The following AP2B1 variants were observed in gnomAD, a reference collection of about 807,000 sequenced individuals.
AP2B1 encodes adaptor related protein complex 2 subunit beta 1, also known as AP-2 complex subunit beta.
A neutral mutation model predicts 102.0 loss-of-function variants in AP2B1; 23 were observed. The ratio of observed to expected loss-of-function variants is 0.23; its 90% confidence interval spans 0.16 to 0.32. The LOEUF (loss-of-function observed/expected upper bound fraction) is 0.32, where lower values mean the gene tolerates loss of function less well. Ranked by LOEUF, AP2B1 falls within the 10% of genes least tolerant of loss-of-function variation. The pLI, the probability that AP2B1 is intolerant of heterozygous loss-of-function variation, is 1.00. For synonymous variants in AP2B1, 381 were observed against 421.2 expected (o/e 0.90, Z 1.17); for missense variants, 541 against 1,157.4 (o/e 0.47, Z 7.73).
At chr17:35,714,640 G>C (rs750845853) in intron 20 of AP2B1, among the ~76,000 whole-genome samples, 3 of 152,126 alleles carry the variant, frequency 2.0e-5, no homozygotes, top group African/African-American at 7.2e-5. Flanking sequence ...AGCCTGGGAG[G>C]TCGAGACTGC....
At chr17:35,614,233 T>A (rs1204362168) in intron 5 of AP2B1, among the ~76,000 whole-genome samples, 2 of 152,190 alleles carry the variant, frequency 1.3e-5, no homozygotes, top group African/African-American at 4.8e-5. Context: ...GGTCTTGCTC[T>A]GTCACCCAGG....
rs1330043160 is a variant in AP2B1, at chr17:35,718,169, T to TGAGAAAAC, written c.2781+821_2781+828dup. Among the ~76,000 whole-genome samples, 9 of 151,076 alleles carry TGAGAAAAC rather than the reference T, an allele frequency of 6.0e-5. No homozygotes were observed. The East Asian group carries it at 1.8e-3, about 30-fold the overall frequency. On this transcript the variant is annotated intron_variant, in intron 21 of 21. Coordinates refer to ENST00000610402, the MANE Select transcript of AP2B1 (RefSeq NM_001030006.2). ...TAAGGGAGCCTTTTAGTCATTTAGC[T>TGAGAAAAC]GAGAAAACTCTGTGACCCGTTCCTT...
chr17:35,606,906 ATTT>A (rs752972298), intron 4 of AP2B1, among the ~76,000 whole-genome samples: 2 of 143,928 alleles, frequency 1.4e-5, no homozygotes, highest in Non-Finnish European at 1.5e-5. Flanking sequence ...ATTCCCATTA[ATTT>A]TTTTTTTTTT....
At chr17:35,651,313 T>G (rs1458400866) in intron 13 of AP2B1, among the ~76,000 whole-genome samples, 1 of 152,218 alleles carries the variant, frequency 6.6e-6, no homozygotes, top group African/African-American at 2.4e-5. Flanking sequence ...CTATGTGGAC[T>G]TAGTTTTTCA....
intron 19 of AP2B1, 118 bp from the exon 20 acceptor site, chr17:35,710,116 C>T: frequency 1.4e-6 from 1 of 735,248 alleles, no homozygotes; most frequent in Non-Finnish European, 2.5e-6. Flanking sequence ...CATTCCCAGC[C>T]TGCTGCTAGC....
chr17:35,626,622 A>C lies in AP2B1; in HGVS notation c.718A>C (p.Ile240Leu). The stretch of plus-strand genomic sequence containing the variant: ...TTAATTTTCATTCTCCACCCTCAGC[A>C]TCTGTGAGCGGGTAACTCCCCGGCT... Reference protein sequence around the residue: ...NPKDDREAQSICERVTPRLSH... With the variant: ...NPKDDREAQSLCERVTPRLSH... The change falls in exon 7 of 22, where the codon ATC becomes CTC. Residue 240 changes from isoleucine to leucine, a missense_variant and splice_region_variant. Physicochemically the swap from Ile to Leu is conservative, Grantham distance 5. Transcript: ENST00000610402. 1 of 1,603,858 alleles carries C rather than the reference A, an allele frequency of 6.2e-7. No individual in the cohort carries two copies. The highest frequency in any genetic ancestry group is 1.7e-5 in the Admixed American group (1 of 59,894).
At chr17:35,638,206 G>A (rs1438408880) in intron 10 of AP2B1, among the ~76,000 whole-genome samples, 1 of 152,140 alleles carries the variant, frequency 6.6e-6, no homozygotes, top group Non-Finnish European at 1.5e-5. Flanking sequence ...TCCATTTCTG[G>A]TTTATGGTTA....
In AP2B1 at chr17:35,645,041, AAAAG is replaced by A. The variant is rs200649971; in HGVS notation, c.1536+3074_1536+3077del. On this transcript the variant is annotated intron_variant, in intron 12 of 21. Transcript: ENST00000610402. ...AGCAAGACTCTGTCTCGGAAAAAAA[AAAAG>A]AAAGAAAAAAAGAATAAGTATGCCT... 1.0e-2 allele frequency among the ~76,000 whole-genome samples: 1,514 copies of A among 152,152 alleles called. 20 individuals carry two copies. The highest frequency in any genetic ancestry group is 0.034 in the African/African-American group (1,426 of 41,494).
intron 5 of AP2B1, among the ~76,000 whole-genome samples, chr17:35,617,336 G>A (rs1234298960): frequency 1.3e-5 from 2 of 152,132 alleles, no homozygotes; most frequent in East Asian, 1.9e-4. Context: ...GATTACAGGC[G>A]TGAGTGAGCC....
At chr17:35,589,885 TTTTC>T (rs1175665307) in intron 1 of AP2B1, among the ~76,000 whole-genome samples, 1 of 152,086 alleles carries the variant, frequency 6.6e-6, no homozygotes, top group African/African-American at 2.4e-5. Flanking sequence ...TAGATTTTTT[TTTTC>T]TTTAGCTCTA....
intron 3 of AP2B1, among the ~76,000 whole-genome samples, 165 bp from the exon 4 acceptor site, chr17:35,605,540 G>A (rs1482944419): frequency 6.6e-6 from 1 of 152,202 alleles, no homozygotes; most frequent in African/African-American, 2.4e-5. Flanking sequence ...GTGAGCCACC[G>A]TGCCCAGCCA....
intron 14 of AP2B1, among the ~76,000 whole-genome samples, chr17:35,665,827 A>G (rs2075452769): frequency 6.6e-6 from 1 of 152,226 alleles, no homozygotes. Context: ...ACAGCTCCAC[A>G]GTTTTAGAAG....
intron 5 of AP2B1, among the ~76,000 whole-genome samples, chr17:35,608,599 T>G (rs2073763209): frequency 6.6e-6 from 1 of 152,158 alleles, no homozygotes; most frequent in Non-Finnish European, 1.5e-5. Context: ...AAAGCAAATC[T>G]TTGTATTGTA....
chr17:35,650,965 A>AG, intron 13 of AP2B1, 176 bp downstream of exon 13: 1 of 645,052 alleles, frequency 1.6e-6, no homozygotes, highest in Non-Finnish European at 2.6e-6. Flanking sequence ...ATACAACCCC[A>AG]GGGAGCTCCA....
chr17:35,723,860 G>A lies in AP2B1; in HGVS notation c.*161G>A. 1 of 539,486 alleles carries A rather than the reference G, an allele frequency of 1.9e-6. No homozygotes were observed. Among genetic ancestry groups the A allele is most frequent in the Non-Finnish European group, 3.4e-6 (1 of 297,186 alleles). 33.4% of individuals were successfully genotyped at this position (539,486 alleles called of 1,614,324 possible). A position where few individuals can be genotyped will look rare whatever the true frequency, so the allele number is the denominator to read the frequency against. ...TGCTAACATTAGGGCACAACCTGTT[G>A]GATAGTTTTAGCTTCCTGTGAACAT... On this transcript the variant is annotated 3_prime_UTR_variant, in exon 22 of 22. Coordinates refer to ENST00000610402, the MANE Select transcript of AP2B1 (RefSeq NM_001030006.2).
At chr17:35,641,158 C>G (rs1414336610) in intron 11 of AP2B1, among the ~76,000 whole-genome samples, 2 of 152,338 alleles carry the variant, frequency 1.3e-5, no homozygotes, top group African/African-American at 4.8e-5. Context: ...TGTCTTGGCT[C>G]TTGCCCCAGT....
At position 35,627,689 on chromosome 17, in the gene AP2B1, C is replaced by G; in HGVS notation, c.1118C>G (p.Ala373Gly). Residue 373 changes from alanine to glycine, a missense_variant, in exon 9 of 22, where the codon GCT (alanine) becomes GGT (glycine). Ala to Gly is a moderately conservative substitution (Grantham distance 60, BLOSUM62 0). Coordinates refer to ENST00000610402, the MANE Select transcript of AP2B1 (RefSeq NM_001030006.2). ...GTGGATGTTGACTTTGTTCGAAAAGCTGTGCGGGCCATTGGACGGTGTGCC... is the reference window on the plus strand; with the variant it reads ...GTGGATGTTGACTTTGTTCGAAAAGGTGTGCGGGCCATTGGACGGTGTGCC... ...TEVDVDFVRK[A>G]VRAIGRCAIK... is the part of the protein sequence containing the mutation. The G allele has an allele frequency of 1.2e-6, 2 of 1,614,086 alleles. No homozygotes were observed. Among genetic ancestry groups the G allele is most frequent in the Non-Finnish European group, 1.7e-6 (2 of 1,179,990 alleles).
chr17:35,647,319 G>T (rs2074961513), intron 12 of AP2B1, among the ~76,000 whole-genome samples: 1 of 152,112 alleles, frequency 6.6e-6, no homozygotes, highest in South Asian at 2.1e-4. Flanking sequence ...GTTTTCAAAT[G>T]AAGATCTAAA....
chr17:35,626,905 A>G (rs2074330246), intron 7 of AP2B1, 63 bp downstream of exon 7: 5 of 1,409,632 alleles, frequency 3.5e-6, no homozygotes, highest in Non-Finnish European at 5.0e-6. Context: ...TAATAATGTC[A>G]ATGTTAATTA....
Sources: allele counts gnomAD v4.1 joint callset (sites outside exome capture counted in the v4.1 genomes callset), GRCh38; gene constraint gnomAD v4.1.1; transcripts MANE v1.5; gene names NCBI Gene and HGNC (gene_info 2026-07-23, HGNC 2026-07-21).